The following RPS6KA2 variants were observed in gnomAD, a reference collection of about 807,000 sequenced individuals.
The protein encoded by RPS6KA2 is ribosomal protein S6 kinase alpha-2.
RPS6KA2 carries 42 observed loss-of-function variants against 91.8 expected under a neutral mutation model. The observed-to-expected ratio is 0.46, with a 90% CI of 0.36 to 0.59. RPS6KA2 has a LOEUF of 0.59. RPS6KA2 is among the 20% of genes least tolerant of loss of function. The pLI is 0.00. For synonymous variants in RPS6KA2, 414 were observed against 393.6 expected (o/e 1.05, Z -0.61); for missense variants, 798 against 978.5 (o/e 0.82, Z 2.46).
intron 2 of RPS6KA2, among the ~76,000 whole-genome samples, chr6:166,820,758 C>T (rs1228837802): frequency 2.0e-5 from 3 of 152,126 alleles, no homozygotes; most frequent in Non-Finnish European, 1.5e-5. Context: ...GAGAATTGTG[C>T]TCATTACATT....
At chr6:166,730,738 A>G (rs897779418) in intron 2 of RPS6KA2, among the ~76,000 whole-genome samples, 8 of 152,252 alleles carry the variant, frequency 5.3e-5, no homozygotes, top group African/African-American at 1.4e-4. Context: ...AAATAGTACA[A>G]TTAATCAAAG....
intron 2 of RPS6KA2, among the ~76,000 whole-genome samples, chr6:166,669,357 C>T (rs1362713112): frequency 6.6e-6 from 1 of 152,206 alleles, no homozygotes; most frequent in African/African-American, 2.4e-5. Context: ...AGCCCATCTG[C>T]TCCCCCAGGC....
intron 2 of RPS6KA2, among the ~76,000 whole-genome samples, chr6:166,671,692 A>G (rs1788477029): frequency 6.6e-6 from 1 of 152,160 alleles, no homozygotes; most frequent in African/African-American, 2.4e-5. Context: ...TACACAGCGC[A>G]GGGAAAAATG....
At position 166,477,242 on chromosome 6, in the gene RPS6KA2, C is replaced by T. The variant is rs144663109; in HGVS notation, c.908-7337G>A. On this transcript the variant is annotated intron_variant, in intron 10 of 20. Transcript: ENST00000265678. ...ACCTGTGGGAGGGTCCACAGCTCCT[C>T]GAAAGCTTGATGATAACTCACTTAG... Among the ~76,000 whole-genome samples, 33 of 152,180 alleles carry T rather than the reference C, an allele frequency of 2.2e-4. No individual in the cohort carries two copies. The East Asian group carries it at 6.0e-3, about 28-fold the overall frequency.
At chr6:166,416,469 C>A (rs1778529579) in intron 19 of RPS6KA2, among the ~76,000 whole-genome samples, 1 of 151,754 alleles carries the variant, frequency 6.6e-6, no homozygotes, top group Admixed American at 6.6e-5. Flanking sequence ...CTATCATCTC[C>A]CACCACTCCC....
chr6:166,468,996 C>T lies in RPS6KA2; in HGVS notation c.972+845G>A, dbSNP rs77742135. On this transcript the variant is annotated intron_variant, in intron 11 of 20. Transcript: ENST00000265678. ...TTGTTAGGTCAGGAAAAGAAAATCC[C>T]AACATAGCTGTTTTTGTGTTAACCT... 1.9e-3 allele frequency among the ~76,000 whole-genome samples: 296 copies of T among 152,170 alleles called. 1 individual carries two copies. The highest frequency in any genetic ancestry group is 6.7e-3 in the African/African-American group (279 of 41,506).
intron 1 of RPS6KA2, chr6:166,858,371 T>C (rs1216304430): frequency 1.3e-5 from 9 of 669,836 alleles, no homozygotes; most frequent in Non-Finnish European, 2.4e-5. Context: ...GCATGATTTC[T>C]GTAGGACATG....
intron 2 of RPS6KA2, among the ~76,000 whole-genome samples, chr6:166,796,207 T>C (rs1779218399): frequency 6.6e-6 from 1 of 152,194 alleles, no homozygotes; most frequent in South Asian, 2.1e-4. Context: ...GAGGGAGTTG[T>C]AGAGCCCTGA....
intron 2 of RPS6KA2, among the ~76,000 whole-genome samples, chr6:166,844,589 C>A (rs1854237): frequency 0.98 from 149,229 of 152,328 alleles, 73,166 homozygotes; most frequent in East Asian, 1. Context: ...GAAACCCTAC[C>A]AGCTAGAAGG....
chr6:166,769,526 C>A (rs1778408404), intron 2 of RPS6KA2, among the ~76,000 whole-genome samples: 1 of 152,188 alleles, frequency 6.6e-6, no homozygotes, highest in African/African-American at 2.4e-5. Flanking sequence ...TAGTCAGAAC[C>A]AGCTTGAGAT....
chr6:166,644,418 T>G (rs1787542312), intron 2 of RPS6KA2, among the ~76,000 whole-genome samples: 1 of 152,148 alleles, frequency 6.6e-6, no homozygotes, highest in African/African-American at 2.4e-5. Flanking sequence ...CTTCCAGTTA[T>G]TCTTGTGATT....
At chr6:166,777,458 A>G (rs1212165086) in intron 2 of RPS6KA2, among the ~76,000 whole-genome samples, 1 of 152,210 alleles carries the variant, frequency 6.6e-6, no homozygotes, top group African/African-American at 2.4e-5. Flanking sequence ...CTCCGAGTGC[A>G]CGCACAGCCA....
intron 2 of RPS6KA2, among the ~76,000 whole-genome samples, chr6:166,794,447 C>T (rs369021507): frequency 6.6e-6 from 1 of 151,728 alleles, no homozygotes; most frequent in African/African-American, 2.4e-5. Context: ...GTCAGTGTGG[C>T]GATTCCTCAG....
intron 3 of RPS6KA2, among the ~76,000 whole-genome samples, chr6:166,523,134 C>A (rs561831400): frequency 6.6e-6 from 1 of 152,318 alleles, no homozygotes; most frequent in Admixed American, 6.5e-5. Context: ...ACATAGAGGA[C>A]TCCACCATAC....
intron 7 of RPS6KA2, 99 bp from the exon 8 acceptor site, chr6:166,498,749 C>T: frequency 1.4e-6 from 2 of 1,475,654 alleles, no homozygotes; most frequent in Non-Finnish European, 9.3e-7. Context: ...GCTCTGCCCC[C>T]TCTCCAGGTG....
intron 2 of RPS6KA2, among the ~76,000 whole-genome samples, chr6:166,714,289 C>T (rs1053731452): frequency 6.6e-5 from 10 of 152,316 alleles, no homozygotes; most frequent in African/African-American, 2.4e-4. Context: ...ATGAGAAACA[C>T]AGAAAAGGCA....
chr6:166,419,552 T>C lies in RPS6KA2; in HGVS notation c.1820+330A>G, dbSNP rs1041468227. On this transcript the variant is annotated intron_variant, in intron 18 of 20. Coordinates refer to ENST00000265678, the MANE Select transcript of RPS6KA2 (RefSeq NM_021135.6). This position sits in a 1 kb window ranked among gnomAD's most constrained non-coding sequence, Gnocchi z 5.6. ...ATGGGGCTTTCGGTTTAAGAGGATG[T>C]CTGGAAGGCACATCTGTTGCTACCT... Among the ~76,000 whole-genome samples the C allele has an allele frequency of 2.6e-5, 4 of 152,210 alleles. No individual in the cohort carries two copies. The highest frequency in any genetic ancestry group is 4.1e-4 in the South Asian group (2 of 4,832).
intron 2 of RPS6KA2, among the ~76,000 whole-genome samples, chr6:166,802,953 T>C (rs961891723): frequency 1.3e-5 from 2 of 151,266 alleles, no homozygotes; most frequent in South Asian, 4.2e-4. Context: ...TGTATATATA[T>C]ATATATATAT....
chr6:166,810,475 G>C (rs140048095), intron 2 of RPS6KA2, among the ~76,000 whole-genome samples: 2 of 152,150 alleles, frequency 1.3e-5, no homozygotes, highest in African/African-American at 4.8e-5. Context: ...CATTAAAGAC[G>C]AGATGTGCCT....
Sources: allele counts gnomAD v4.1 joint callset (sites outside exome capture counted in the v4.1 genomes callset), GRCh38; gene constraint gnomAD v4.1.1; non-coding constraint Gnocchi (gnomAD v3.1); transcripts MANE v1.5; gene names NCBI Gene and HGNC (gene_info 2026-07-23, HGNC 2026-07-21).